CFAP74: variants seen among roughly 807,000 people sequenced by gnomAD.
The protein encoded by CFAP74 is cilia- and flagella-associated protein 74.
In CFAP74, 124 loss-of-function variants were observed where a neutral mutation model predicts 188.9. The ratio of observed to expected loss-of-function variants is 0.66; its 90% confidence interval spans 0.57 to 0.76. CFAP74 has a LOEUF of 0.76. Among genes scored for constraint, CFAP74 ranks in the 30% least tolerant of loss-of-function variants. The pLI is 0.00. For missense variants in CFAP74, 2,198 were observed against 2,165.2 expected, an observed-to-expected ratio of 1.02 and a Z score of -0.30; for synonymous variants, 956 against 916.7, an observed-to-expected ratio of 1.04 and a Z score of -0.77.
rs1052402569 is a variant in CFAP74, at chr1:1,996,245, G to A, written c.-19-5270C>T. ...GGTAATCCGCCCGCCTCAGCCTTCC[G>A]AAGTGCTGGGATTACAGGTGTGAAC... On this transcript the variant is annotated intron_variant, in intron 1 of 38. Coordinates refer to ENST00000682832, the MANE Select transcript of CFAP74 (RefSeq NM_001304360.2). Among the ~76,000 whole-genome samples, 6 of 152,226 alleles carry A rather than the reference G, an allele frequency of 3.9e-5. No homozygotes were observed. In the East Asian group the frequency reaches 5.8e-4, roughly 15 times the overall value.
At chr1:1,959,338 C>T in intron 15 of CFAP74, 129 bp from the exon 16 acceptor site, 1 of 620,016 alleles carries the variant, frequency 1.6e-6, no homozygotes, top group Non-Finnish European at 2.9e-6. Flanking sequence ...TTCACTGCAA[C>T]CCCCCTCCAC....
chr1:1,989,344 G>A (rs907833557), intron 2 of CFAP74, among the ~76,000 whole-genome samples: 5 of 152,350 alleles, frequency 3.3e-5, no homozygotes, highest in East Asian at 3.9e-4. Context: ...CAGGGCGGAC[G>A]GTGTGAGACA....
At chr1:1,936,475 C>T (rs1220621487) in intron 25 of CFAP74, among the ~76,000 whole-genome samples, 7 of 151,626 alleles carry the variant, frequency 4.6e-5, no homozygotes, top group African/African-American at 1.5e-4. Flanking sequence ...ACCCGGGAAG[C>T]GAAGGTTGCA....
chr1:1,970,789 C>G lies in CFAP74; in HGVS notation c.916G>C (p.Asp306His). ...TCCGCCAGCTCTGCCTTGGCACGGT[C>G]CCATGCTTGGAACTTCCGCAGTGTG... Reference protein sequence around the residue: ...RDTLRKFQAWDRAKAELAEQR... With the variant: ...RDTLRKFQAWHRAKAELAEQR... The change falls in exon 10 of 39, where the codon GAC becomes CAC. Residue 306 changes from aspartate to histidine, a missense_variant. By Grantham distance (81) the Asp-to-His change is moderately conservative. Coordinates refer to ENST00000682832, the MANE Select transcript of CFAP74 (RefSeq NM_001304360.2). 1 of 1,614,182 alleles carries G rather than the reference C, an allele frequency of 6.2e-7. No homozygotes were observed. The highest frequency in any genetic ancestry group is 1.3e-5 in the African/African-American group (1 of 75,074).
In CFAP74 at chr1:1,923,435, C is replaced by T. The variant is rs1570804906; in HGVS notation, c.4454G>A (p.Gly1485Asp). 1 of 1,606,766 alleles carries T rather than the reference C, an allele frequency of 6.2e-7. No individual in the cohort carries two copies. The highest frequency in any genetic ancestry group is 8.5e-7 in the Non-Finnish European group (1 of 1,177,702). ...CTCCACGGGCACGTCCAGGGGGTCGCCGCCCTCCACGAACATCATGTGCTG... is the reference window on the plus strand; with the variant it reads ...CTCCACGGGCACGTCCAGGGGGTCGTCGCCCTCCACGAACATCATGTGCTG... ...ACQHMMFVEG[G>D]DPLDVPVESL... The change falls in exon 36 of 39, where the codon GGC becomes GAC. Residue 1485 changes from glycine (G) to aspartate (D), a missense_variant. Coordinates refer to ENST00000682832, the MANE Select transcript of CFAP74 (RefSeq NM_001304360.2). The surrounding 1 kb of genome is among the most constrained non-coding windows in gnomAD (Gnocchi z 6.3).
Position 1,923,027 on chromosome 1 carries a change from C to T in CFAP74, c.4641G>A (p.Leu1547=). 1.2e-6 allele frequency: 2 copies of T among 1,603,436 alleles called. No individual in the cohort carries two copies. Among genetic ancestry groups the T allele is most frequent in the Non-Finnish European group, 8.5e-7 (1 of 1,176,740 alleles). Reference sequence around the variant, plus strand: ...GGGTGGTCCGGATACAGCCCACCTGCAGCTCTCGGGTGGCAGGTGGGGCTG... The same window carrying T: ...GGGTGGTCCGGATACAGCCCACCTGTAGCTCTCGGGTGGCAGGTGGGGCTG... The part of the protein sequence containing the change: ...DTPAPPATRE[L]QVGCIRTTQP... Residue 1547 remains leucine (L), a synonymous_variant, in exon 37 of 39, where the codon CTG becomes CTA. Coordinates refer to ENST00000682832, the MANE Select transcript of CFAP74 (RefSeq NM_001304360.2). This position sits in a 1 kb window ranked among gnomAD's most constrained non-coding sequence, Gnocchi z 6.3.
At chr1:1,956,106 C>T (rs968100558) in intron 17 of CFAP74, among the ~76,000 whole-genome samples, 1 of 152,248 alleles carries the variant, frequency 6.6e-6, no homozygotes, top group African/African-American at 2.4e-5. Context: ...GCTGTGCTGC[C>T]CCAGCCTGGG....
intron 6 of CFAP74, among the ~76,000 whole-genome samples, chr1:1,978,016 G>A (rs1169791236): frequency 1.3e-5 from 2 of 152,174 alleles, no homozygotes; most frequent in Non-Finnish European, 2.9e-5. Flanking sequence ...ACCCAGCTAA[G>A]TTTGGTATTT....
Position 1,963,783 on chromosome 1 carries a change from C to T in CFAP74, c.1660G>A (p.Val554Met), listed in dbSNP as rs1194089261. 8 of 1,613,690 alleles carry T rather than the reference C, an allele frequency of 5.0e-6. No individual in the cohort carries two copies. The highest frequency in any genetic ancestry group is 4.5e-5 in the East Asian group (2 of 44,894). ...YTINYCKLVG[V>M]EEHLRDFIHV... The stretch of plus-strand genomic sequence containing the variant: ...ATGAAGTCCCGGAGGTGCTCCTCCA[C>T]GCCCACCAGCTTGCAGTAGTTGATC... The change falls in exon 14 of 39, where the codon GTG becomes ATG. Residue 554 changes from valine (V) to methionine (M), a missense_variant. Physicochemically the swap from Val to Met is conservative, Grantham distance 21. Transcript: ENST00000682832.
intron 32 of CFAP74, 115 bp downstream of exon 32, chr1:1,926,113 A>T: frequency 2.8e-6 from 4 of 1,428,582 alleles, no homozygotes; most frequent in Non-Finnish European, 3.7e-6. Flanking sequence ...CTGCTCGCAG[A>T]CCCAGGCTTA....
At chr1:1,994,606 G>C (rs1428198381) in intron 1 of CFAP74, among the ~76,000 whole-genome samples, 1 of 152,178 alleles carries the variant, frequency 6.6e-6, no homozygotes, top group Non-Finnish European at 1.5e-5. Context: ...AAACTATTTA[G>C]AAAATGGCCA....
intron 25 of CFAP74, among the ~76,000 whole-genome samples, chr1:1,936,195 C>T (rs376649117): frequency 8.7e-5 from 11 of 125,988 alleles, no homozygotes; most frequent in Admixed American, 2.5e-4. Flanking sequence ...CCAGCCTGGG[C>T]AACAAGAGCG....
At chr1:1,999,928 G>T (rs1051445211) in intron 1 of CFAP74, among the ~76,000 whole-genome samples, 7 of 152,146 alleles carry the variant, frequency 4.6e-5, no homozygotes, top group Non-Finnish European at 1.0e-4. Context: ...CACTTTGGGA[G>T]GCTGAGGCGG....
At chr1:1,976,870 C>CAG (rs200761729) in intron 6 of CFAP74, among the ~76,000 whole-genome samples, 44,657 of 148,930 alleles carry the variant, frequency 0.3, 7,028 homozygotes, top group Non-Finnish European at 0.34. Flanking sequence ...TTTTTTGAGA[C>CAG]AGTCTCGCTC....
intron 3 of CFAP74, 92 bp from the exon 4 acceptor site, chr1:1,988,747 T>G: frequency 6.6e-7 from 1 of 1,522,122 alleles, no homozygotes; most frequent in South Asian, 1.2e-5. Flanking sequence ...TGCCTGACAG[T>G]TCTGCTTCAG....
At chr1:1,948,691 C>T (rs1382976332) in intron 18 of CFAP74, among the ~76,000 whole-genome samples, 3 of 148,520 alleles carry the variant, frequency 2.0e-5, no homozygotes, top group African/African-American at 7.5e-5. Flanking sequence ...CAGGCTCAAG[C>T]GATCCTCCCG....
At chr1:1,965,626 G>T (rs547757320) in intron 12 of CFAP74, among the ~76,000 whole-genome samples, 2 of 151,984 alleles carry the variant, frequency 1.3e-5, no homozygotes, top group African/African-American at 4.8e-5. Context: ...ATGCCCGGCA[G>T]CCGGGCAGCC....
intron 33 of CFAP74, among the ~76,000 whole-genome samples, chr1:1,924,919 G>A (rs1048247010): frequency 2.0e-5 from 3 of 152,246 alleles, no homozygotes; most frequent in African/African-American, 4.8e-5. Context: ...TCCAGGACCC[G>A]CCCTGAGCCA....
At chr1:1,986,279 C>T (rs527392557) in intron 5 of CFAP74, among the ~76,000 whole-genome samples, 15 of 152,340 alleles carry the variant, frequency 9.8e-5, no homozygotes, top group Admixed American at 3.3e-4. Context: ...CCCAGCTACT[C>T]CGGAGGCTGC....
Sources: allele counts gnomAD v4.1 joint callset (sites outside exome capture counted in the v4.1 genomes callset), GRCh38; gene constraint gnomAD v4.1.1; non-coding constraint Gnocchi (gnomAD v3.1); transcripts MANE v1.5; gene names NCBI Gene and HGNC (gene_info 2026-07-23, HGNC 2026-07-21).